DNMT3B: variants seen among roughly 807,000 people sequenced by gnomAD.
DNMT3B encodes DNA (cytosine-5)-methyltransferase 3B.
Under a neutral mutation model 120.2 loss-of-function variants are expected in DNMT3B, and 37 were observed. The ratio of observed to expected loss-of-function variants is 0.31; its 90% CI spans 0.24 to 0.40. The LOEUF (loss-of-function observed/expected upper bound fraction) is 0.40. Among genes scored for constraint, DNMT3B ranks in the 10% least tolerant of loss-of-function variants. DNMT3B has a pLI of 1.00. For missense variants in DNMT3B, 878 were observed against 1,137.3 expected (o/e 0.77, Z 3.28); for synonymous variants, 412 against 442.8 (o/e 0.93, Z 0.87).
At chr20:32,804,788 C>CT (rs1206113035) in intron 20 of DNMT3B, among the ~76,000 whole-genome samples, 2 of 149,494 alleles carry the variant, frequency 1.3e-5, no homozygotes, top group Admixed American at 1.4e-4. Flanking sequence ...AACTCCTAGG[C>CT]TTAAGCGATC....
chr20:32,779,436 A>G (rs1978329985), intron 1 of DNMT3B, among the ~76,000 whole-genome samples: 1 of 152,226 alleles, frequency 6.6e-6, no homozygotes, highest in South Asian at 2.1e-4. Flanking sequence ...AGGTTGTTGC[A>G]TCCAACAAAA....
intron 21 of DNMT3B, among the ~76,000 whole-genome samples, chr20:32,805,891 C>G (rs1280204226): frequency 6.6e-6 from 1 of 152,176 alleles, no homozygotes; most frequent in East Asian, 1.9e-4. Flanking sequence ...CTTGGCCCCC[C>G]ACGTGATCTC....
intron 14 of DNMT3B, 56 bp from the exon 15 acceptor site, chr20:32,798,404 T>C (rs1298716484): frequency 1.9e-6 from 3 of 1,607,586 alleles, no homozygotes; most frequent in African/African-American, 2.7e-5. Context: ...GGTAAGGGGG[T>C]GGCACAGGAG....
At chr20:32,770,960 A>T (rs781581017) in intron 1 of DNMT3B, among the ~76,000 whole-genome samples, 7 of 151,486 alleles carry the variant, frequency 4.6e-5, no homozygotes, top group Non-Finnish European at 7.4e-5. Flanking sequence ...GCCCAGGCTG[A>T]TCTTGAACTC....
intron 1 of DNMT3B, among the ~76,000 whole-genome samples, chr20:32,766,349 T>C (rs1987367205): frequency 6.6e-6 from 1 of 152,136 alleles, no homozygotes; most frequent in Admixed American, 6.6e-5. Flanking sequence ...TCTCTATGTG[T>C]ATATATCTAC....
chr20:32,768,133 C>T (rs1017082096), intron 1 of DNMT3B, among the ~76,000 whole-genome samples: 4 of 152,026 alleles, frequency 2.6e-5, no homozygotes, highest in African/African-American at 4.8e-5. Flanking sequence ...CCTCTCACCT[C>T]AGTCACCTCC....
chr20:32,775,930 G>A (rs1988046428), intron 1 of DNMT3B, among the ~76,000 whole-genome samples: 1 of 152,222 alleles, frequency 6.6e-6, no homozygotes, highest in South Asian at 2.1e-4. Context: ...CCCCAGGATG[G>A]GGTGGGGGTT....
intron 19 of DNMT3B, among the ~76,000 whole-genome samples, 177 bp from the exon 20 acceptor site, chr20:32,802,208 G>T (rs1981425930): frequency 6.6e-6 from 1 of 152,164 alleles, no homozygotes; most frequent in African/African-American, 2.4e-5. Flanking sequence ...CATTAGCATA[G>T]TATGAGGGCA....
At chr20:32,799,453 G>GAA in intron 16 of DNMT3B, 125 bp downstream of exon 16, 1 of 1,066,374 alleles carries the variant, frequency 9.4e-7, no homozygotes, top group East Asian at 2.6e-5. Context: ...TACCAGCCCT[G>GAA]AAAAAAACCC....
intron 10 of DNMT3B, among the ~76,000 whole-genome samples, chr20:32,794,718 T>G (rs1390935329): frequency 6.6e-6 from 1 of 152,252 alleles, no homozygotes; most frequent in Non-Finnish European, 1.5e-5. Context: ...GTTAGCATTT[T>G]AATATCCAGC....
chr20:32,783,639 G>A (rs148117279), intron 3 of DNMT3B, among the ~76,000 whole-genome samples: 1 of 151,966 alleles, frequency 6.6e-6, no homozygotes, highest in Non-Finnish European at 1.5e-5. Flanking sequence ...GCAGCTGCAG[G>A]ATCAGAGGCT....
At chr20:32,767,456 G>C (rs1009863730) in intron 1 of DNMT3B, among the ~76,000 whole-genome samples, 11 of 151,548 alleles carry the variant, frequency 7.3e-5, no homozygotes, top group African/African-American at 2.7e-4. Flanking sequence ...TTTGAGACAA[G>C]TCTCGCATTG....
chr20:32,798,363 C>T, intron 14 of DNMT3B, 97 bp from the exon 15 acceptor site: 3 of 1,506,784 alleles, frequency 2.0e-6, no homozygotes, highest in South Asian at 1.2e-5. Flanking sequence ...GGTAAGCTTT[C>T]AGGAGGGGGT....
rs1979299916 is a variant in DNMT3B, at chr20:32,786,498, C to T, written c.307-4C>T. 1 of 1,614,072 alleles carries T rather than the reference C, an allele frequency of 6.2e-7. No homozygotes were observed. The highest frequency in any genetic ancestry group is 8.5e-7 in the Non-Finnish European group (1 of 1,180,040). On this transcript the variant is annotated splice_polypyrimidine_tract_variant and splice_region_variant and intron_variant, in intron 4 of 22. Coordinates refer to ENST00000328111, the MANE Select transcript of DNMT3B (RefSeq NM_006892.4). ...GCCCAGTGAGTGTCCTCTCTTGCTT[C>T]TAGGTCCGAACTCGAAATAACAACA...
chr20:32,775,520 C>T (rs1035279139), intron 1 of DNMT3B, among the ~76,000 whole-genome samples: 5 of 152,206 alleles, frequency 3.3e-5, no homozygotes, highest in Admixed American at 6.5e-5. Flanking sequence ...CTGGTTCAGT[C>T]GGGGCACAGG....
In DNMT3B at chr20:32,799,093, C is replaced by T; in HGVS notation, c.1675-151C>T. ...GCAGGCTCGTGTGGTACACACTTGT[C>T]TCCCCAATCCCCATCAAGCCTTCAG... On this transcript the variant is annotated intron_variant, in intron 15 of 22. Coordinates refer to ENST00000328111, the MANE Select transcript of DNMT3B (RefSeq NM_006892.4). The T allele has an allele frequency of 3.7e-6, 3 of 818,926 alleles. No homozygotes were observed. The East Asian group carries it at 8.0e-5, about 22-fold the overall frequency. 50.7% of individuals were successfully genotyped at this position (818,926 alleles called of 1,614,324 possible).
Position 32,809,164 on chromosome 20 carries a change from CTT to C in DNMT3B, c.*1265_*1266del, listed in dbSNP as rs34168690. On this transcript the variant is annotated 3_prime_UTR_variant, in exon 23 of 23. Transcript: ENST00000328111. ...CAAGTTTTGTGGGGCTTTTTATACA[CTT>C]TTTAAAATCTCAAACTTCTATTTTT... 1 of 214,552 alleles carries C rather than the reference CTT, an allele frequency of 4.7e-6. No individual in the cohort carries two copies. Among genetic ancestry groups the C allele is most frequent in the East Asian group, 7.0e-5 (1 of 14,280 alleles). 13.3% of individuals were successfully genotyped at this position (214,552 alleles called of 1,614,324 possible).
intron 1 of DNMT3B, among the ~76,000 whole-genome samples, chr20:32,766,402 G>T (rs189466515): frequency 6.6e-6 from 1 of 151,962 alleles, no homozygotes; most frequent in African/African-American, 2.4e-5. Context: ...TAAGGACAAG[G>T]TCTTGCTGTG....
Position 32,787,377 on chromosome 20 carries a change from G to T in DNMT3B, c.580G>T (p.Asp194Tyr). 6.2e-7 allele frequency: 1 copy of T among 1,614,212 alleles called. No individual in the cohort carries two copies. The highest frequency in any genetic ancestry group is 8.5e-7 in the Non-Finnish European group (1 of 1,180,040). Residue 194 changes from aspartate to tyrosine, a missense_variant, in exon 6 of 23, where the codon GAC becomes TAC. Asp to Tyr is a radical substitution (Grantham distance 160). This residue lies in a region of DNMT3B where 287 missense variants were observed against 306.2 expected (regional missense o/e 0.94). Transcript: ENST00000328111. ...SSTPYARLAQ[D>Y]SQQGGMESPQ... The stretch of plus-strand genomic sequence containing the variant: ...TACCCCCTACGCCCGCCTAGCCCAG[G>T]ACAGCCAGCAGGGGGGCATGGAGTC...
Sources: gnomAD v4.1 joint callset for allele counts (sites outside exome capture counted in the v4.1 genomes callset) on GRCh38, gnomAD v4.1.1 for gene constraint, gnomAD v4.1.1 regional missense constraint, MANE v1.5 for transcripts, NCBI Gene and HGNC (gene_info 2026-07-23, HGNC 2026-07-21) for gene names.